Variants in MAMLD1 observed in about 807,000 individuals in gnomAD.
MAMLD1 encodes mastermind-like domain-containing protein 1.
In MAMLD1, 14 loss-of-function variants were observed where a neutral mutation model predicts 45.0. The observed-to-expected ratio is 0.31, with a 90% CI of 0.21 to 0.49. MAMLD1 has a LOEUF of 0.49. Among genes scored for constraint, MAMLD1 ranks in the 20% least tolerant of loss-of-function variants. The pLI, the probability that MAMLD1 is intolerant of heterozygous loss-of-function variation, is 0.99. For synonymous variants in MAMLD1, 254 were observed against 247.8 expected (o/e 1.02, Z -0.24); for missense variants, 543 against 603.6 (o/e 0.90, Z 1.05).
At chrX:150,364,911 G>T (rs1296337955) in intron 1 of MAMLD1, among the ~76,000 whole-genome samples, 1 of 112,171 alleles carries the variant, frequency 8.9e-6, no homozygotes, top group African/African-American at 3.2e-5. Context: ...GTGAGCCGGC[G>T]AGCGACATCG....
intron 5 of MAMLD1, among the ~76,000 whole-genome samples, chrX:150,476,772 C>A (rs892669137): frequency 1.8e-5 from 2 of 112,864 alleles, no homozygotes; most frequent in Non-Finnish European, 3.8e-5. Context: ...TGGATTAAGC[C>A]CCTACTGGGT....
At chrX:150,483,854 T>G (rs6627226) in intron 5 of MAMLD1, among the ~76,000 whole-genome samples, 17,566 of 112,097 alleles carry the variant, frequency 0.16, 1,220 homozygotes, top group Non-Finnish European at 0.22. Context: ...AGTGACAGCT[T>G]CACATGGTAA....
chrX:150,497,283 C>CTTTTTTTT (rs782269885), intron 5 of MAMLD1, among the ~76,000 whole-genome samples: 38 of 85,207 alleles, frequency 4.5e-4, no homozygotes, highest in Non-Finnish European at 5.0e-4. Flanking sequence ...TCTTTTTTTT[C>CTTTTTTTT]TTTTTTTTTT....
chrX:150,481,667 A>G (rs1241789665), intron 5 of MAMLD1, among the ~76,000 whole-genome samples: 3 of 108,608 alleles, frequency 2.8e-5, no homozygotes, highest in African/African-American at 1.0e-4. Context: ...CCACCTTTAC[A>G]AAAAATTACA....
chrX:150,509,775 TCTTA>T, intron 6 of MAMLD1, 183 bp from the exon 7 acceptor site: 1 of 447,776 alleles, frequency 2.2e-6, no homozygotes, highest in East Asian at 3.8e-5. Flanking sequence ...AGGTGCAGAA[TCTTA>T]CTTTATTTAT....
At chrX:150,449,429 T>C (rs1379968685) in intron 2 of MAMLD1, among the ~76,000 whole-genome samples, 4 of 111,698 alleles carry the variant, frequency 3.6e-5, no homozygotes, top group Non-Finnish European at 5.7e-5. Context: ...CCTCATTCTA[T>C]CCATCCCTTT....
At chrX:150,454,138 C>G (rs2035763645) in intron 2 of MAMLD1, among the ~76,000 whole-genome samples, 1 of 112,025 alleles carries the variant, frequency 8.9e-6, no homozygotes, top group Non-Finnish European at 1.9e-5. Context: ...TGCTTCTTTC[C>G]TAGAATAAGC....
At chrX:150,438,861 C>T (rs1210754920) in intron 1 of MAMLD1, among the ~76,000 whole-genome samples, 3 of 111,577 alleles carry the variant, frequency 2.7e-5, no homozygotes, top group African/African-American at 9.8e-5. Context: ...GGGTATATAC[C>T]GAGGAGTGGA....
intron 1 of MAMLD1, among the ~76,000 whole-genome samples, chrX:150,382,894 TTTTTTTA>T (rs1569564431): frequency 5.1e-5 from 1 of 19,699 alleles, no homozygotes; most frequent in Non-Finnish European, 8.8e-5. Context: ...TATTTTTTTT[TTTTTTTA>T]TTTTTTATTT....
intron 1 of MAMLD1, among the ~76,000 whole-genome samples, chrX:150,407,109 C>T (rs1557402699): frequency 6.3e-5 from 7 of 111,372 alleles, no homozygotes; most frequent in Non-Finnish European, 1.1e-4. Context: ...AACTTAATGA[C>T]CCCATCTCAG....
chrX:150,434,707 G>A (rs2035064718), intron 1 of MAMLD1, among the ~76,000 whole-genome samples: 1 of 111,990 alleles, frequency 8.9e-6, no homozygotes, highest in African/African-American at 3.2e-5. Flanking sequence ...TAATTTCCAT[G>A]TAATCATATG....
chrX:150,473,667 G>A lies in MAMLD1; in HGVS notation c.1918-13G>A, dbSNP rs1569564918. The A allele has an allele frequency of 1.7e-6, 2 of 1,211,165 alleles. No homozygotes were observed. The highest frequency in any genetic ancestry group is 2.2e-6 in the Non-Finnish European group (2 of 895,033). On this transcript the variant is annotated splice_polypyrimidine_tract_variant and intron_variant, in intron 4 of 7. Coordinates refer to ENST00000370401, the MANE Select transcript of MAMLD1 (RefSeq NM_005491.5). Reference sequence around the variant, plus strand: ...CTGCAGTTCAGGAGCACTTTGGTTTGATTTTATTATAGGGCTGTTGCCATC... The same window carrying A: ...CTGCAGTTCAGGAGCACTTTGGTTTAATTTTATTATAGGGCTGTTGCCATC...
chrX:150,362,435 CTCTCCTCTCCTCTCCTCTCA>C (rs1415616187), upstream of MAMLD1, among the ~76,000 whole-genome samples: 1 of 107,916 alleles, frequency 9.3e-6, no homozygotes, highest in African/African-American at 3.4e-5. Flanking sequence ...TTATTTCCTC[CTCTCCTCTCCTCTCCTCTCA>C]TCTCCTCTCC....
intron 1 of MAMLD1, among the ~76,000 whole-genome samples, chrX:150,371,954 A>G (rs2032024418): frequency 8.9e-6 from 1 of 112,001 alleles, no homozygotes; most frequent in African/African-American, 3.3e-5. Context: ...TGACTTTCCT[A>G]TGGGGACATA....
intron 7 of MAMLD1, 105 bp downstream of exon 7, chrX:150,510,151 G>A (rs782757317): frequency 3.9e-6 from 2 of 518,450 alleles, no homozygotes; most frequent in Non-Finnish European, 6.4e-6. Flanking sequence ...GCTTCTGAAA[G>A]CATTGAGAAA....
At chrX:150,408,643 G>A (rs1354642026) in intron 1 of MAMLD1, among the ~76,000 whole-genome samples, 1 of 112,272 alleles carries the variant, frequency 8.9e-6, no homozygotes, top group African/African-American at 3.2e-5. Context: ...TGATTATGCA[G>A]CCCTGTTGGT....
rs1557404748 is a variant in MAMLD1, at chrX:150,445,543, A to T, written c.27A>T (p.Val9=). ...TGGATGACTGGAAAAGTCGGCTTGT[A>T]ATCAAGAGCATGCTTCCCCATTTCG... is the stretch of plus-strand genomic sequence containing the variant. MDDWKSRL[V]IKSMLPHFAM... Residue 9 remains valine, a synonymous_variant, in exon 2 of 8, where the codon GTA becomes GTT. Transcript: ENST00000370401. The T allele has an allele frequency of 8.3e-7, 1 of 1,210,898 alleles. No individual in the cohort carries two copies.
intron 1 of MAMLD1, among the ~76,000 whole-genome samples, chrX:150,433,950 C>A (rs1004892296): frequency 1.8e-5 from 2 of 111,688 alleles, no homozygotes; most frequent in South Asian, 7.5e-4. Context: ...TTCTTTCCTC[C>A]GCAGTTTTTT....
intron 5 of MAMLD1, among the ~76,000 whole-genome samples, chrX:150,501,824 C>T (rs781907993): frequency 3.6e-5 from 4 of 112,308 alleles, no homozygotes; most frequent in Admixed American, 9.4e-5. Context: ...ACTTGCTTAT[C>T]ATATAACATG....
Sources: allele counts gnomAD v4.1 joint callset (sites outside exome capture counted in the v4.1 genomes callset), GRCh38; gene constraint gnomAD v4.1.1; transcripts MANE v1.5; gene names NCBI Gene and HGNC (gene_info 2026-07-23, HGNC 2026-07-21).